The following YWHAE variants were observed in gnomAD, a reference collection of about 807,000 sequenced individuals.
YWHAE encodes the protein tyrosine 3-monooxygenase/tryptophan 5-monooxygenase activation protein epsilon.
YWHAE carries 4 observed loss-of-function variants against 30.1 expected under a neutral mutation model. That is an observed-to-expected ratio of 0.13 (90% confidence interval 0.07 to 0.30). The LOEUF is 0.30. Among genes scored for constraint, YWHAE ranks in the 10% least tolerant of loss-of-function variants. The pLI, the probability that YWHAE is intolerant of heterozygous loss-of-function variation, is 1.00. For missense variants in YWHAE, 121 were observed against 315.9 expected (o/e 0.38, Z 4.68); for synonymous variants, 118 against 111.8 (o/e 1.06, Z -0.35).
intron 1 of YWHAE, among the ~76,000 whole-genome samples, chr17:1,396,073 C>G (rs567808095): frequency 4.7e-5 from 7 of 150,142 alleles, no homozygotes; most frequent in African/African-American, 1.7e-4. Context: ...GAGCCGAGAT[C>G]GCGCTATTGC....
chr17:1,375,530 G>A (rs996299188), intron 1 of YWHAE, among the ~76,000 whole-genome samples: 1 of 152,168 alleles, frequency 6.6e-6, no homozygotes, highest in East Asian at 1.9e-4. Context: ...ACTTCTTTTG[G>A]ATCCACGGGC....
intron 1 of YWHAE, among the ~76,000 whole-genome samples, chr17:1,394,450 A>AAAAAAAAAAAACAAAAC: frequency 6.7e-6 from 1 of 149,434 alleles, no homozygotes; most frequent in African/African-American, 2.5e-5. Context: ...AAAAAAAAAA[A>AAAAAAAAAAAACAAAAC]AAAAAAAAAA....
intron 4 of YWHAE, among the ~76,000 whole-genome samples, chr17:1,354,626 T>TC (rs2072696935): frequency 6.6e-6 from 1 of 152,154 alleles, no homozygotes; most frequent in African/African-American, 2.4e-5. Context: ...AAAATATACC[T>TC]CCAAGTTCTA....
intron 1 of YWHAE, among the ~76,000 whole-genome samples, chr17:1,383,913 T>G (rs977977148): frequency 9.9e-5 from 15 of 151,952 alleles, no homozygotes; most frequent in Admixed American, 2.0e-4. Flanking sequence ...TTTAAAAAAT[T>G]AGCCGAAGAG....
rs75134850 is a variant in YWHAE at position 1,390,213 on chromosome 17, G to A, written c.64+9834C>T. On this transcript the variant is annotated intron_variant, in intron 1 of 5. Transcript: ENST00000264335. ...AGGTGTTACGTTTGCTAAGGAGAAA[G>A]TCTCTTATTAATCTAAAATTAATAT... 4.4e-3 allele frequency among the ~76,000 whole-genome samples: 668 copies of A among 152,254 alleles called. 8 individuals are homozygous for A. The highest frequency in any genetic ancestry group is 0.015 in the African/African-American group (620 of 41,538).
In YWHAE at chr17:1,400,138, G is replaced by C; in HGVS notation, c.-28C>G. On this transcript the variant is annotated 5_prime_UTR_variant, in exon 1 of 6. Coordinates refer to ENST00000264335, the MANE Select transcript of YWHAE (RefSeq NM_006761.5). ...CGGCAGCGGCTCCGGCAGGGTCTGC[G>C]CGACGGATGGAAGCGGATAGTGTCT... 6.2e-7 allele frequency: 1 copy of C among 1,613,682 alleles called. No homozygotes were observed. The highest frequency in any genetic ancestry group is 8.5e-7 in the Non-Finnish European group (1 of 1,179,704).
chr17:1,356,169 AAAACACACACAC>A (rs1453315920), intron 4 of YWHAE, among the ~76,000 whole-genome samples: 1 of 94,490 alleles, frequency 1.1e-5, no homozygotes, highest in African/African-American at 3.3e-5. Flanking sequence ...ACTCCGTCTA[AAAACACACACAC>A]ACACACACAC....
intron 4 of YWHAE, among the ~76,000 whole-genome samples, chr17:1,358,427 G>A (rs1295326472): frequency 6.6e-6 from 1 of 151,966 alleles, no homozygotes; most frequent in African/African-American, 2.4e-5. Context: ...TTTTAGTAGA[G>A]ACGGGGTTTC....
At chr17:1,361,875 C>G (rs752585790) in intron 3 of YWHAE, 27 bp downstream of exon 3, 2 of 1,485,048 alleles carry the variant, frequency 1.3e-6, no homozygotes, top group Non-Finnish European at 1.8e-6. Context: ...TTCAATCTTA[C>G]ATTTTCCCTT....
intron 1 of YWHAE, among the ~76,000 whole-genome samples, chr17:1,378,282 A>G (rs2073153356): frequency 6.6e-6 from 1 of 152,244 alleles, no homozygotes; most frequent in East Asian, 1.9e-4. Flanking sequence ...CTGACATATG[A>G]GAATGCTCAG....
intron 1 of YWHAE, among the ~76,000 whole-genome samples, chr17:1,378,876 G>T (rs540206581): frequency 6.6e-6 from 1 of 152,034 alleles, no homozygotes; most frequent in African/African-American, 2.4e-5. Context: ...GAACCTGGGA[G>T]GCGAAGGAAG....
At chr17:1,391,111 A>G (rs1454062955) in intron 1 of YWHAE, among the ~76,000 whole-genome samples, 1 of 152,242 alleles carries the variant, frequency 6.6e-6, no homozygotes, top group Non-Finnish European at 1.5e-5. Context: ...CAAGGTAGCC[A>G]TAAGAAAACC....
chr17:1,390,111 TG>T (rs551182787), intron 1 of YWHAE, among the ~76,000 whole-genome samples: 508 of 152,324 alleles, frequency 3.3e-3, no homozygotes, highest in Admixed American at 7.0e-3. Flanking sequence ...CCCAAAGTGC[TG>T]GGATTACAGG....
At chr17:1,388,483 C>A (rs1281541605) in intron 1 of YWHAE, among the ~76,000 whole-genome samples, 3 of 150,880 alleles carry the variant, frequency 2.0e-5, no homozygotes, top group Non-Finnish European at 2.9e-5. Context: ...AGTGGAGCGC[C>A]ACTGCACTCC....
At chr17:1,360,380 A>G (rs2072844890) in intron 4 of YWHAE, among the ~76,000 whole-genome samples, 1 of 152,238 alleles carries the variant, frequency 6.6e-6, no homozygotes, top group Admixed American at 6.5e-5. Flanking sequence ...TTTAACACAC[A>G]TTAGTAAGAC....
In YWHAE at chr17:1,346,793, T is replaced by C. The variant is rs1031300683; in HGVS notation, c.716-1294A>G. On this transcript the variant is annotated intron_variant, in intron 5 of 5. Coordinates refer to ENST00000264335, the MANE Select transcript of YWHAE (RefSeq NM_006761.5). ...CGAGGTCAGAAGATCAAGACCATCC[T>C]GGCTAACACAGTAAATCCCCATCTC... Among the ~76,000 whole-genome samples the C allele has an allele frequency of 3.3e-5, 5 of 151,874 alleles. 1 individual carries two copies. The highest frequency in any genetic ancestry group is 2.0e-4 in the Admixed American group (3 of 15,230).
intron 1 of YWHAE, 105 bp downstream of exon 1, chr17:1,399,942 G>A: frequency 8.5e-6 from 12 of 1,419,596 alleles, no homozygotes; most frequent in South Asian, 1.2e-5. Flanking sequence ...AAGCCCCCGG[G>A]CCAGGCTCGC....
chr17:1,398,336 C>CG (rs2073505739), intron 1 of YWHAE, among the ~76,000 whole-genome samples: 2 of 88,162 alleles, frequency 2.3e-5, no homozygotes, highest in South Asian at 3.9e-4. Context: ...CCATCTTATC[C>CG]CCCCCCCCAA....
chr17:1,386,687 C>T (rs576273924), intron 1 of YWHAE, among the ~76,000 whole-genome samples: 5 of 152,240 alleles, frequency 3.3e-5, no homozygotes, highest in African/African-American at 7.2e-5. Context: ...CGGTGGCTCA[C>T]GCCTATAATC....
Sources: allele counts gnomAD v4.1 joint callset (sites outside exome capture counted in the v4.1 genomes callset), GRCh38; gene constraint gnomAD v4.1.1; transcripts MANE v1.5; gene names NCBI Gene and HGNC (gene_info 2026-07-23, HGNC 2026-07-21).